Variants in HEXB observed in about 807,000 individuals in gnomAD.
HEXB encodes hexosaminidase subunit beta.
In HEXB, 51 loss-of-function variants were observed where a neutral mutation model predicts 71.2. The ratio of observed to expected loss-of-function variants is 0.72; its 90% CI spans 0.57 to 0.90. HEXB has a LOEUF of 0.90. Ranked by LOEUF, HEXB falls within the 40% of genes least tolerant of loss-of-function variation. The probability of loss-of-function intolerance (pLI) is 0.00; values close to 1 mark genes in which losing one functional copy is unlikely to be tolerated. For synonymous variants in HEXB, 266 were observed against 249.3 expected, an observed-to-expected ratio of 1.07 and a Z score of -0.63; for missense variants, 617 against 677.0, an observed-to-expected ratio of 0.91 and a Z score of 0.98.
intron 6 of HEXB, among the ~76,000 whole-genome samples, chr5:74,706,966 G>T (rs1297812486): frequency 6.6e-6 from 1 of 152,292 alleles, no homozygotes; most frequent in Non-Finnish European, 1.5e-5. Flanking sequence ...GCACACAGCT[G>T]GAGATCTGAG....
chr5:74,691,386 T>A (rs1749000394), intron 2 of HEXB, among the ~76,000 whole-genome samples: 2 of 152,220 alleles, frequency 1.3e-5, no homozygotes. Flanking sequence ...GCAGTTTGCC[T>A]GTAATGTGAA....
chr5:74,644,917 G>A (rs1381411417), intron 1 of HEXB, among the ~76,000 whole-genome samples: 5 of 151,066 alleles, frequency 3.3e-5, no homozygotes, highest in African/African-American at 9.7e-5. Flanking sequence ...GACTACAGGC[G>A]CCTGCCACCA....
At chr5:74,678,069 G>A (rs1438082489) in intron 1 of HEXB, among the ~76,000 whole-genome samples, 1 of 152,086 alleles carries the variant, frequency 6.6e-6, no homozygotes, top group Non-Finnish European at 1.5e-5. Context: ...GGCCCAGGAG[G>A]GTGGATCACC....
chr5:74,669,196 A>G lies in HEXB; in HGVS notation c.-376-20132A>G, dbSNP rs546334030. Among the ~76,000 whole-genome samples, 3 of 152,314 alleles carry G rather than the reference A, an allele frequency of 2.0e-5. No individual in the cohort carries two copies. In the South Asian group the frequency reaches 6.2e-4, roughly 32 times the overall value. On this transcript the variant is annotated intron_variant, in intron 1 of 13. Coordinates refer to the HEXB transcript ENST00000511181. ...CCAAAGTGTGAGCACTTCATATAGT[A>G]AATATACTATGCCATCACTAGCTGT...
Position 74,720,693 on chromosome 5 carries a change from G to C in HEXB, c.1559G>C (p.Arg520Thr), listed in dbSNP as rs758359266. The change falls in exon 13 of 14, where the codon AGA becomes ACA. Residue 520 changes from arginine to threonine, a missense_variant. Physicochemically the swap from Arg to Thr is moderately conservative, Grantham distance 71 (BLOSUM62 -1). Transcript: ENST00000261416. ...GERLWSSKDV[R>T]DMDDAYDRLT... The stretch of plus-strand genomic sequence containing the variant: ...AGACTCTGGAGTTCCAAAGATGTCA[G>C]AGATATGGATGACGCCTATGACAGA... 7.4e-6 allele frequency: 12 copies of C among 1,614,208 alleles called. No individual in the cohort carries two copies. The highest frequency in any genetic ancestry group is 9.3e-6 in the Non-Finnish European group (11 of 1,180,034).
upstream of HEXB, among the ~76,000 whole-genome samples, chr5:74,681,688 G>T (rs1748741889): frequency 6.6e-6 from 1 of 152,138 alleles, no homozygotes; most frequent in Non-Finnish European, 1.5e-5. Context: ...AGATCTCAGG[G>T]CTTGGTGAAT....
chr5:74,713,272 T>C (rs538794962), intron 6 of HEXB, among the ~76,000 whole-genome samples: 8 of 152,350 alleles, frequency 5.3e-5, no homozygotes, highest in African/African-American at 1.9e-4. Flanking sequence ...CCAAAATGGC[T>C]ATCATCCTTT....
chr5:74,698,009 C>T (rs1385813022), intron 5 of HEXB, among the ~76,000 whole-genome samples: 1 of 151,826 alleles, frequency 6.6e-6, no homozygotes, highest in African/African-American at 2.4e-5. Context: ...GGTTTCCTCC[C>T]ATGTTTTTTT....
intron 3 of HEXB, among the ~76,000 whole-genome samples, chr5:74,694,959 A>G (rs13186984): frequency 0.45 from 67,877 of 151,832 alleles, 16,220 homozygotes; most frequent in African/African-American, 0.63. Context: ...GACAGAGCAA[A>G]ACTCCATCTC....
intron 1 of HEXB, among the ~76,000 whole-genome samples, chr5:74,646,722 C>T (rs561322229): frequency 2.4e-4 from 37 of 152,104 alleles, no homozygotes; most frequent in African/African-American, 8.4e-4. Flanking sequence ...CGTCTGCCAC[C>T]GCGCCCAGCT....
chr5:74,664,515 A>G (rs1246256943), intron 1 of HEXB, among the ~76,000 whole-genome samples: 1 of 151,850 alleles, frequency 6.6e-6, no homozygotes, highest in Admixed American at 6.6e-5. Context: ...AATAAATTAC[A>G]TTCTCCCATT....
At chr5:74,699,266 C>T (rs942539058) in intron 5 of HEXB, among the ~76,000 whole-genome samples, 1 of 151,650 alleles carries the variant, frequency 6.6e-6, no homozygotes, top group African/African-American at 2.4e-5. Context: ...TTTTGCTACC[C>T]CCCACCCCCT....
intron 1 of HEXB, among the ~76,000 whole-genome samples, chr5:74,651,908 A>G (rs903732100): frequency 1.3e-5 from 2 of 152,242 alleles, no homozygotes; most frequent in Admixed American, 1.3e-4. Flanking sequence ...CAGGTTCACA[A>G]TAAGTAATGG....
intron 8 of HEXB, among the ~76,000 whole-genome samples, chr5:74,715,979 T>A (rs752751737): frequency 2.3e-5 from 3 of 130,548 alleles, no homozygotes; most frequent in Non-Finnish European, 4.6e-5. Context: ...ATCATGCCAC[T>A]GTACTCCAGA....
At chr5:74,665,715 T>C (rs1162511256) in intron 1 of HEXB, among the ~76,000 whole-genome samples, 3 of 152,216 alleles carry the variant, frequency 2.0e-5, no homozygotes, top group Non-Finnish European at 4.4e-5. Flanking sequence ...AAAGACTCTG[T>C]GGAACAAATT....
intron 1 of HEXB, among the ~76,000 whole-genome samples, chr5:74,648,715 A>T (rs766620551): frequency 3.9e-5 from 6 of 152,250 alleles, no homozygotes; most frequent in Non-Finnish European, 8.8e-5. Context: ...TCATCGGCAT[A>T]CATGTTCATT....
rs1048807112 is a variant in HEXB, at chr5:74,712,321, C to T, written c.772-1185C>T. Among the ~76,000 whole-genome samples, 3 of 148,998 alleles carry T rather than the reference C, an allele frequency of 2.0e-5. No homozygotes were observed. In the Admixed American group the frequency reaches 2.0e-4, roughly 10 times the overall value. Reference sequence around the variant, plus strand: ...GGGAGGGATAGCATTGGGAGATATACCTAATGCTAGATGACGAGTTAGTGG... The same window carrying T: ...GGGAGGGATAGCATTGGGAGATATATCTAATGCTAGATGACGAGTTAGTGG... On this transcript the variant is annotated intron_variant, in intron 6 of 13. Transcript: ENST00000261416.
intron 1 of HEXB, among the ~76,000 whole-genome samples, chr5:74,670,337 A>G (rs550654586): frequency 5.3e-5 from 8 of 151,842 alleles, no homozygotes; most frequent in South Asian, 2.1e-4. Flanking sequence ...GAAACCATCA[A>G]CTTCAGGCGG....
chr5:74,687,463 T>C (rs1203245380), intron 1 of HEXB, among the ~76,000 whole-genome samples: 2 of 152,234 alleles, frequency 1.3e-5, no homozygotes, highest in South Asian at 2.1e-4. Flanking sequence ...CTTTAGCTTC[T>C]AGAACAGCGT....
Sources: gnomAD v4.1 joint callset for allele counts (sites outside exome capture counted in the v4.1 genomes callset) on GRCh38, gnomAD v4.1.1 for gene constraint, MANE v1.5 for transcripts, NCBI Gene and HGNC (gene_info 2026-07-23, HGNC 2026-07-21) for gene names.